KIF26B: variants seen among roughly 807,000 people sequenced by gnomAD.
KIF26B encodes kinesin-like protein KIF26B.
In KIF26B, 63 loss-of-function variants were observed where a neutral mutation model predicts 151.2. The ratio of observed to expected loss-of-function variants is 0.42; its 90% CI spans 0.34 to 0.51. The LOEUF (loss-of-function observed/expected upper bound fraction) is 0.51. Ranked by LOEUF, KIF26B falls within the 20% of genes least tolerant of loss-of-function variation. The pLI is 0.07. For missense variants in KIF26B, 2,813 were observed against 2,913.6 expected (o/e 0.97, Z 0.79); for synonymous variants, 1,357 against 1,262.1 (o/e 1.08, Z -1.59).
rs1175590693 is a variant in KIF26B at position 245,606,430 on chromosome 1, G to A, written c.1558-1221G>A. Among the ~76,000 whole-genome samples the A allele has an allele frequency of 6.6e-6, 1 of 152,184 alleles. No individual in the cohort carries two copies. The highest frequency in any genetic ancestry group is 1.5e-5 in the Non-Finnish European group (1 of 68,042). On this transcript the variant is annotated intron_variant, in intron 6 of 14. Transcript: ENST00000407071. The surrounding 1 kb of genome is among the most constrained non-coding windows in gnomAD (Gnocchi z 4.6). ...TCCCACGAGCCCTGACTCCGGCCCC[G>A]AGACAGAAATGAAAGCAACAGGGCA...
intron 2 of KIF26B, among the ~76,000 whole-genome samples, chr1:245,301,921 T>C (rs1275683313): frequency 4.6e-5 from 7 of 152,206 alleles, no homozygotes; most frequent in African/African-American, 1.7e-4. Context: ...CTTGAAAGGC[T>C]AAGTAGGATC....
Position 245,367,417 on chromosome 1 carries a change from C to CGGAG in KIF26B, c.999+51_999+54dup, listed in dbSNP as rs1270729908. On this transcript the variant is annotated intron_variant, in intron 3 of 14. Coordinates refer to ENST00000407071, the MANE Select transcript of KIF26B (RefSeq NM_018012.4). This position sits in a 1 kb window ranked among gnomAD's most constrained non-coding sequence, Gnocchi z 4.2. ...AGAGCAGGGCTGGCTGGAGTCAAAG[C>CGGAG]GGAGAAGTAGGCAGCACTTCCTTCC... is the stretch of plus-strand genomic sequence containing the variant. 1.3e-6 allele frequency: 2 copies of CGGAG among 1,489,162 alleles called. No individual in the cohort carries two copies. Among genetic ancestry groups the CGGAG allele is most frequent in the East Asian group, 4.9e-5 (2 of 40,914 alleles). 92.2% of individuals were successfully genotyped at this position (1,489,162 alleles called of 1,614,324 possible). A position where few individuals can be genotyped will look rare whatever the true frequency, so the allele number is the denominator to read the frequency against.
At position 245,543,597 on chromosome 1, in the gene KIF26B, G is replaced by A. The variant is rs542230941; in HGVS notation, c.1350+2647G>A. On this transcript the variant is annotated intron_variant, in intron 5 of 14. Coordinates refer to ENST00000407071, the MANE Select transcript of KIF26B (RefSeq NM_018012.4). Reference sequence around the variant, plus strand: ...CCTCCTGATCTGCTCAGGCTTCTGGGGCATGGGTAACAGTGAGGGGGAGGA... The same window carrying A: ...CCTCCTGATCTGCTCAGGCTTCTGGAGCATGGGTAACAGTGAGGGGGAGGA... Among the ~76,000 whole-genome samples, 14 of 152,242 alleles carry A rather than the reference G, an allele frequency of 9.2e-5. No homozygotes were observed. The East Asian group carries it at 2.7e-3, about 29-fold the overall frequency.
intron 2 of KIF26B, among the ~76,000 whole-genome samples, chr1:245,356,393 TA>T (rs1374471000): frequency 3.3e-5 from 5 of 151,952 alleles, no homozygotes; most frequent in Admixed American, 6.6e-5. Context: ...CCGTCTCTAC[TA>T]AAAGTACAAA....
chr1:245,383,416 T>C (rs540527415), intron 3 of KIF26B, among the ~76,000 whole-genome samples: 25 of 152,310 alleles, frequency 1.6e-4, no homozygotes, highest in African/African-American at 5.8e-4. Flanking sequence ...ACTCTCCAGC[T>C]TAGAGATTCA....
intron 10 of KIF26B, among the ~76,000 whole-genome samples, chr1:245,683,777 C>T (rs886677094): frequency 2.0e-5 from 3 of 152,188 alleles, no homozygotes; most frequent in Admixed American, 1.3e-4. Context: ...AAAAACCCAC[C>T]GATCTTTAAT....
At chr1:245,280,517 C>T (rs550902161) in intron 2 of KIF26B, among the ~76,000 whole-genome samples, 10 of 90,372 alleles carry the variant, frequency 1.1e-4, no homozygotes, top group East Asian at 3.4e-4. Flanking sequence ...GGCAACAGAG[C>T]GAGACTCTGT....
chr1:245,552,287 C>A (rs191379429), intron 5 of KIF26B, among the ~76,000 whole-genome samples: 2 of 151,916 alleles, frequency 1.3e-5, no homozygotes, highest in Admixed American at 1.3e-4. Context: ...GGCGGGCAGC[C>A]GACAAGCAGA....
intron 2 of KIF26B, among the ~76,000 whole-genome samples, chr1:245,286,103 G>T (rs946776205): frequency 6.6e-6 from 1 of 152,096 alleles, no homozygotes; most frequent in Non-Finnish European, 1.5e-5. Flanking sequence ...ACTTTGGCAG[G>T]GTAGGGCTCC....
intron 2 of KIF26B, among the ~76,000 whole-genome samples, chr1:245,180,292 C>CAGAGAGAGAGAGAG (rs34346823): frequency 2.7e-5 from 4 of 148,540 alleles, no homozygotes; most frequent in African/African-American, 7.4e-5. Flanking sequence ...CTGCAGGTAG[C>CAGAGAGAGAGAGAG]AGAGAGAGAG....
chr1:245,600,319 T>C (rs1373891711), intron 5 of KIF26B, among the ~76,000 whole-genome samples: 3 of 144,794 alleles, frequency 2.1e-5, no homozygotes, highest in East Asian at 4.3e-4. Flanking sequence ...ATTACAGGCG[T>C]GAGCCACCAC....
In KIF26B at chr1:245,311,855, A is replaced by T. The variant is rs181251697; in HGVS notation, c.466-54979A>T. On this transcript the variant is annotated intron_variant, in intron 2 of 14. Transcript: ENST00000407071. ...TGAGGCAGGAGAACGGCTTGAACCC[A>T]GGAGACAGAGGTTGCAGTGAGCCGA... Among the ~76,000 whole-genome samples, 24 of 152,252 alleles carry T rather than the reference A, an allele frequency of 1.6e-4. No homozygotes were observed. The East Asian group carries it at 4.4e-3, about 28-fold the overall frequency.
chr1:245,481,767 T>A (rs1346799064), intron 4 of KIF26B, among the ~76,000 whole-genome samples: 1 of 151,802 alleles, frequency 6.6e-6, no homozygotes, highest in Non-Finnish European at 1.5e-5. Context: ...TGCTAAGCTT[T>A]GTTTATTTCT....
intron 3 of KIF26B, among the ~76,000 whole-genome samples, chr1:245,419,004 C>A (rs1001179149): frequency 1.3e-5 from 2 of 152,142 alleles, no homozygotes; most frequent in African/African-American, 2.4e-5. Context: ...CTGAACCCTT[C>A]AAAAAATATT....
rs1019847550 is a variant in KIF26B, at chr1:245,606,732, G to A, written c.1558-919G>A. On this transcript the variant is annotated intron_variant, in intron 6 of 14. Coordinates refer to ENST00000407071, the MANE Select transcript of KIF26B (RefSeq NM_018012.4). The surrounding 1 kb of genome is among the most constrained non-coding windows in gnomAD (Gnocchi z 4.6). Reference sequence around the variant, plus strand: ...GTGACTGATACTCTATATGTTGAATGTATCTGTAGCAAAAGGAAGAAAAGG... The same window carrying A: ...GTGACTGATACTCTATATGTTGAATATATCTGTAGCAAAAGGAAGAAAAGG... Among the ~76,000 whole-genome samples the A allele has an allele frequency of 6.6e-6, 1 of 152,184 alleles. No individual in the cohort carries two copies. Among genetic ancestry groups the A allele is most frequent in the Admixed American group, 6.6e-5 (1 of 15,264 alleles).
chr1:245,373,417 G>A (rs561850830), intron 3 of KIF26B, among the ~76,000 whole-genome samples: 16 of 152,278 alleles, frequency 1.1e-4, no homozygotes, highest in African/African-American at 3.6e-4. Flanking sequence ...CTGGCATTTC[G>A]ATGCCACACT....
At chr1:245,194,124 A>G (rs1051431388) in intron 2 of KIF26B, among the ~76,000 whole-genome samples, 3 of 152,342 alleles carry the variant, frequency 2.0e-5, no homozygotes, top group South Asian at 2.1e-4. Context: ...AGGAAGGCGT[A>G]TGGTAGTTTC....
intron 4 of KIF26B, among the ~76,000 whole-genome samples, chr1:245,506,207 GT>G (rs753806522): frequency 8.5e-5 from 13 of 152,256 alleles, no homozygotes; most frequent in Non-Finnish European, 1.5e-4. Flanking sequence ...AATTTCTTAT[GT>G]CCCCTCAGTT....
At chr1:245,436,800 A>T (rs912191822) in intron 4 of KIF26B, among the ~76,000 whole-genome samples, 1 of 152,276 alleles carries the variant, frequency 6.6e-6, no homozygotes, top group East Asian at 1.9e-4. Flanking sequence ...ACATGAAAAC[A>T]ACTTGTATTT....
Sources: allele counts gnomAD v4.1 joint callset (sites outside exome capture counted in the v4.1 genomes callset), GRCh38; gene constraint gnomAD v4.1.1; non-coding constraint Gnocchi (gnomAD v3.1); transcripts MANE v1.5; gene names NCBI Gene and HGNC (gene_info 2026-07-23, HGNC 2026-07-21).